GCNT2: variants seen among roughly 807,000 people sequenced by gnomAD.
The protein encoded by GCNT2 is glucosaminyl (N-acetyl) transferase 2 (I blood group).
In GCNT2, 34 loss-of-function variants were observed where a neutral mutation model predicts 34.2. That is an observed-to-expected ratio of 1.00 (90% CI 0.76 to 1.32). The LOEUF is 1.32. Ranked by LOEUF, GCNT2 falls within the 40% of genes most tolerant of loss-of-function variation. The probability of loss-of-function intolerance (pLI) is 0.00; values close to 1 mark genes in which losing one functional copy is unlikely to be tolerated. For missense variants in GCNT2, 584 were observed against 489.4 expected, an observed-to-expected ratio of 1.19 and a Z score of -1.82; for synonymous variants, 212 against 188.0, an observed-to-expected ratio of 1.13 and a Z score of -1.04.
intron 3 of GCNT2, among the ~76,000 whole-genome samples, chr6:10,579,770 C>T (rs547119741): frequency 4.2e-5 from 6 of 143,042 alleles, no homozygotes; most frequent in Non-Finnish European, 6.0e-5. Flanking sequence ...GAGCTGAGAT[C>T]GTGCCACTGC....
intron 3 of GCNT2, among the ~76,000 whole-genome samples, chr6:10,551,258 G>C (rs1358644446): frequency 1.3e-5 from 2 of 151,956 alleles, no homozygotes; most frequent in East Asian, 3.9e-4. Context: ...CAGCATCCAG[G>C]AAGTGTTTCC....
intron 4 of GCNT2, among the ~76,000 whole-genome samples, chr6:10,622,499 C>G (rs778344937): frequency 3.9e-5 from 6 of 151,948 alleles, no homozygotes; most frequent in Non-Finnish European, 7.4e-5. Context: ...GATTATGGCC[C>G]ACCCTAAAGG....
chr6:10,549,737 G>A (rs977589289), intron 3 of GCNT2, among the ~76,000 whole-genome samples: 3 of 151,606 alleles, frequency 2.0e-5, no homozygotes, highest in East Asian at 1.9e-4. Flanking sequence ...TTCCTACACC[G>A]TCTTCGAATT....
Position 10,590,661 on chromosome 6 carries a change from C to T in GCNT2, c.926-30690C>T, listed in dbSNP as rs532937044. ...CTCCGCCTCTCAGGTTCAAGCGATTCTCCTGCCTCAGCCTCCCGAGTACAT... is the reference window on the plus strand; with the variant it reads ...CTCCGCCTCTCAGGTTCAAGCGATTTTCCTGCCTCAGCCTCCCGAGTACAT... On this transcript the variant is annotated intron_variant, in intron 3 of 4. Transcript: ENST00000495262. Among the ~76,000 whole-genome samples the T allele has an allele frequency of 3.2e-4, 48 of 151,836 alleles. 2 individuals are homozygous for T. The highest frequency in any genetic ancestry group is 5.9e-4 in the Non-Finnish European group (40 of 67,974).
Position 10,626,966 on chromosome 6 carries a change from G to C in GCNT2, c.*359G>C. 4.3e-6 allele frequency: 1 copy of C among 232,866 alleles called. No individual in the cohort carries two copies. The highest frequency in any genetic ancestry group is 8.6e-6 in the Non-Finnish European group (1 of 116,086). The allele number at this position is 232,866 out of a possible 1,614,324, so 14.4% of individuals were successfully genotyped here. On this transcript the variant is annotated 3_prime_UTR_variant, in exon 5 of 5. Transcript: ENST00000495262. ...AAAAAAGAGAATTGTAGATAATACT[G>C]TCTAGGAAAATAAGAATTAGGTTTC... is the stretch of plus-strand genomic sequence containing the variant.
chr6:10,609,952 CAG>C, intron 3 of GCNT2, among the ~76,000 whole-genome samples: 1 of 152,228 alleles, frequency 6.6e-6, no homozygotes, highest in Non-Finnish European at 1.5e-5. Context: ...AAATCAGACA[CAG>C]GGTCAACCAT....
chr6:10,626,345 G>C (rs1436208126), intron 4 of GCNT2, 72 bp from the exon 5 acceptor site: 2 of 1,073,584 alleles, frequency 1.9e-6, no homozygotes, highest in Non-Finnish European at 2.9e-6. Flanking sequence ...AGTACCTCTA[G>C]TATTCTGTAA....
chr6:10,561,785 T>C lies in GCNT2; in HGVS notation c.925+31949T>C, dbSNP rs371526437. ...CTTCCATAAGAATGTTTTCATTTATTTCGTTTCCTTTTTCCATTTTGTATA... is the reference window on the plus strand; with the variant it reads ...CTTCCATAAGAATGTTTTCATTTATCTCGTTTCCTTTTTCCATTTTGTATA... On this transcript the variant is annotated intron_variant, in intron 3 of 4. Transcript: ENST00000495262. Among the ~76,000 whole-genome samples the C allele has an allele frequency of 5.8e-4, 89 of 152,314 alleles. 2 individuals are homozygous for C. The South Asian group carries it at 0.013, about 22-fold the overall frequency.
At chr6:10,539,639 GGAGA>G (rs35869319) in intron 3 of GCNT2, among the ~76,000 whole-genome samples, 11 of 151,824 alleles carry the variant, frequency 7.2e-5, no homozygotes, top group East Asian at 5.8e-4. Flanking sequence ...CTCATTAAAT[GGAGA>G]GAGAGAGAGA....
intron 3 of GCNT2, chr6:10,585,765 C>T (rs1764314607): frequency 7.1e-7 from 1 of 1,417,354 alleles, no homozygotes; most frequent in East Asian, 2.6e-5. Context: ...GAACTGCAGA[C>T]CAAAGTGAGA....
At position 10,619,142 on chromosome 6, in the gene GCNT2, C is replaced by A. The variant is rs142333557; in HGVS notation, c.926-2209C>A. 2.6e-5 allele frequency: 4 copies of A among 152,118 alleles called. No individual in the cohort carries two copies. The East Asian group carries it at 7.7e-4, about 29-fold the overall frequency. The allele number at this position is 152,118 out of a possible 1,614,324, so 9.4% of individuals were successfully genotyped here. On this transcript the variant is annotated intron_variant, in intron 3 of 4. Coordinates refer to ENST00000495262, the MANE Select transcript of GCNT2 (RefSeq NM_145649.5). ...AAATATTGGTCTTGTCCAATTTTTT[C>A]TTTATTAAAAACTATTAAAAATATT...
At chr6:10,566,788 C>T (rs932625095) in intron 3 of GCNT2, among the ~76,000 whole-genome samples, 2 of 152,198 alleles carry the variant, frequency 1.3e-5, no homozygotes, top group East Asian at 1.9e-4. Flanking sequence ...CACACATGTA[C>T]GCTTGTGCAC....
chr6:10,556,096 G>A (rs1762686998), intron 3 of GCNT2: 2 of 1,225,746 alleles, frequency 1.6e-6, no homozygotes, highest in African/African-American at 3.1e-5. Flanking sequence ...AATCTGCCGG[G>A]GGAAAGAGAG....
chr6:10,573,694 T>C (rs1275221895), intron 3 of GCNT2, among the ~76,000 whole-genome samples: 2 of 152,208 alleles, frequency 1.3e-5, no homozygotes, highest in African/African-American at 4.8e-5. Flanking sequence ...AGCAGTGGTC[T>C]TCACCACCAT....
intron 3 of GCNT2, among the ~76,000 whole-genome samples, chr6:10,607,700 T>C (rs1765384426): frequency 9.0e-6 from 1 of 111,002 alleles, no homozygotes. Flanking sequence ...TACAGACATT[T>C]GGGGGGTCTT....
chr6:10,530,078 G>A (rs1761411424), intron 3 of GCNT2: 4 of 470,764 alleles, frequency 8.5e-6, no homozygotes, highest in South Asian at 2.3e-5. Flanking sequence ...AAATAAAAAC[G>A]TGACCGAGCA....
At chr6:10,526,666 G>GT (rs1761204917) in intron 1 of GCNT2, among the ~76,000 whole-genome samples, 1 of 152,134 alleles carries the variant, frequency 6.6e-6, no homozygotes, top group South Asian at 2.1e-4. Flanking sequence ...CCTCCCAAAA[G>GT]TGCTGAGATT....
intron 3 of GCNT2, chr6:10,556,538 T>G (rs1762713109): frequency 6.2e-7 from 1 of 1,614,068 alleles, no homozygotes. Flanking sequence ...GCTAAATATC[T>G]CAGACCCTTT....
chr6:10,531,894 T>TTA (rs398000435), intron 3 of GCNT2, among the ~76,000 whole-genome samples: 1 of 150,190 alleles, frequency 6.7e-6, no homozygotes, highest in East Asian at 1.9e-4. Flanking sequence ...TTTTTTTTTT[T>TTA]AGAGAAGACC....
Sources: gnomAD v4.1 joint callset for allele counts (sites outside exome capture counted in the v4.1 genomes callset) on GRCh38, gnomAD v4.1.1 for gene constraint, MANE v1.5 for transcripts, NCBI Gene and HGNC (gene_info 2026-07-23, HGNC 2026-07-21) for gene names.